Variants in MICALL2 observed in about 807,000 individuals in gnomAD.
MICALL2 encodes the protein MICAL-like protein 2.
MICALL2 carries 111 observed loss-of-function variants against 91.1 expected under a neutral mutation model. The ratio of observed to expected loss-of-function variants is 1.22; its 90% CI spans 1.04 to 1.43. MICALL2 has a LOEUF of 1.43. Ranked by LOEUF, MICALL2 falls within the 40% of genes most tolerant of loss-of-function variation. The probability of loss-of-function intolerance (pLI) is 0.00; values close to 1 mark genes in which losing one functional copy is unlikely to be tolerated. For synonymous variants in MICALL2, 694 were observed against 525.3 expected, an observed-to-expected ratio of 1.32 and a Z score of -4.39; for missense variants, 1,556 against 1,236.0, an observed-to-expected ratio of 1.26 and a Z score of -3.88.
chr7:1,458,766 C>T (rs989954877), intron 1 of MICALL2, among the ~76,000 whole-genome samples: 1 of 152,248 alleles, frequency 6.6e-6, no homozygotes, highest in African/African-American at 2.4e-5. Context: ...CACATCCCCC[C>T]AGGGGCCTGA....
At chr7:1,435,711 G>A (rs1354719945) in intron 15 of MICALL2, among the ~76,000 whole-genome samples, 2 of 152,246 alleles carry the variant, frequency 1.3e-5, no homozygotes, top group Non-Finnish European at 2.9e-5. Context: ...CAGTCACACA[G>A]TCCGTGCAGG....
At position 1,438,785 on chromosome 7, in the gene MICALL2, G is replaced by A. The variant is rs534079691; in HGVS notation, c.2122+55C>T. ...AGCCCCAGCAGGCATTGCCTCCTCA[G>A]AGGAAGGCTCCCTTCACGTACACCC... On this transcript the variant is annotated intron_variant, in intron 10 of 16. Coordinates refer to ENST00000297508, the MANE Select transcript of MICALL2 (RefSeq NM_182924.4). 27 of 1,546,290 alleles carry A rather than the reference G, an allele frequency of 1.7e-5. No homozygotes were observed. In the African/African-American group the frequency reaches 3.1e-4, roughly 18 times the overall value.
chr7:1,458,123 C>G (rs1024539066), intron 1 of MICALL2, among the ~76,000 whole-genome samples: 2 of 152,272 alleles, frequency 1.3e-5, no homozygotes, highest in African/African-American at 2.4e-5. Flanking sequence ...GGCTGTTGCT[C>G]AAGACCCCAG....
At chr7:1,442,907 G>A (rs992215752) in intron 6 of MICALL2, among the ~76,000 whole-genome samples, 3 of 152,118 alleles carry the variant, frequency 2.0e-5, no homozygotes, top group African/African-American at 7.2e-5. Context: ...GGGCTGCCAG[G>A]TTCAGTCCCA....
intron 15 of MICALL2, among the ~76,000 whole-genome samples, chr7:1,435,852 C>T (rs923557544): frequency 4.0e-5 from 6 of 151,894 alleles, no homozygotes; most frequent in African/African-American, 1.5e-4. Context: ...CAGATCGAGA[C>T]CATCCTGGCT....
chr7:1,444,759 G>T lies in MICALL2; in HGVS notation c.1311C>A (p.Pro437=), dbSNP rs1368584352. The stretch of plus-strand genomic sequence containing the variant: ...CCTTGGATAGAACAAGTGACGGGGT[G>T]GGACCTCTGCCAGAAAGGCTGGTGC... ...PPGTSLSGRG[P]TPSLVLSKDS... is the part of the protein sequence containing the mutation. Residue 437 remains proline (P), a synonymous_variant, in exon 6 of 17, where the codon CCC becomes CCA. Coordinates refer to ENST00000297508, the MANE Select transcript of MICALL2 (RefSeq NM_182924.4). 1 of 1,612,250 alleles carries T rather than the reference G, an allele frequency of 6.2e-7. No individual in the cohort carries two copies. Among genetic ancestry groups the T allele is most frequent in the Admixed American group, 1.7e-5 (1 of 59,992 alleles).
At chr7:1,437,456 C>T in intron 14 of MICALL2, 79 bp downstream of exon 14, 1 of 1,331,310 alleles carries the variant, frequency 7.5e-7, no homozygotes, top group Non-Finnish European at 1.0e-6. Context: ...CAGGTGGCCT[C>T]ACAGAGCCGG....
At chr7:1,455,268 C>T (rs888711282) in intron 1 of MICALL2, among the ~76,000 whole-genome samples, 2 of 152,234 alleles carry the variant, frequency 1.3e-5, no homozygotes, top group East Asian at 1.9e-4. Flanking sequence ...GACAGGCTGA[C>T]TGGCTGAGGG....
chr7:1,443,374 G>C (rs1780405404), intron 6 of MICALL2, among the ~76,000 whole-genome samples: 1 of 152,142 alleles, frequency 6.6e-6, no homozygotes, highest in South Asian at 2.1e-4. Context: ...GCAGGAGGCA[G>C]TTCTGAGCAG....
chr7:1,438,677 C>A, intron 10 of MICALL2, 163 bp downstream of exon 10: 1 of 1,449,738 alleles, frequency 6.9e-7, no homozygotes, highest in Non-Finnish European at 9.0e-7. Context: ...GGTCTCTATT[C>A]ATGAGGGCGG....
At position 1,450,308 on chromosome 7, in the gene MICALL2, T is replaced by G. The variant is rs774450161; in HGVS notation, c.144-20A>C. 6.2e-7 allele frequency: 1 copy of G among 1,610,492 alleles called. No homozygotes were observed. The highest frequency in any genetic ancestry group is 1.3e-5 in the African/African-American group (1 of 74,884). On this transcript the variant is annotated intron_variant, in intron 1 of 16. Transcript: ENST00000297508. ...AAGTTTCTGGAAGATAAAAACATGA[T>G]GTCCAAAGCAGCTCAGAGTCCACGA...
Position 1,444,778 on chromosome 7 carries a change from C to T in MICALL2, c.1292G>A (p.Ser431Asn). The T allele has an allele frequency of 1.9e-6, 3 of 1,611,946 alleles. No individual in the cohort carries two copies. The highest frequency in any genetic ancestry group is 1.3e-5 in the African/African-American group (1 of 75,048). Residue 431 changes from serine (S) to asparagine (N), a missense_variant, in exon 6 of 17, where the codon AGC becomes AAC. Physicochemically the swap from Ser to Asn is conservative, Grantham distance 46. Coordinates refer to ENST00000297508, the MANE Select transcript of MICALL2 (RefSeq NM_182924.4). ...CGGGGTGGGACCTCTGCCAGAAAGG[C>T]TGGTGCCGGGGGGCACTGCTGATGT... is the stretch of plus-strand genomic sequence containing the variant. The part of the protein sequence containing the change: ...FQTSAVPPGT[S>N]LSGRGPTPSL...
In MICALL2 at chr7:1,436,838, T is replaced by C. The variant is rs1779990266; in HGVS notation, c.2495A>G (p.Gln832Arg). The C allele has an allele frequency of 1.9e-6, 3 of 1,601,116 alleles. No homozygotes were observed. In the East Asian group the frequency reaches 6.8e-5, roughly 37 times the overall value. ...MAKPEALKSL[Q>R]ERRREQELLE... The stretch of plus-strand genomic sequence containing the variant: ...CAGCTCCTGCTCCCGCCGCCGCTCC[T>C]GCAGTGACTTCAGAGCCTCTGTGGG... Residue 832 changes from glutamine to arginine, a missense_variant, in exon 15 of 17, where the codon CAG (glutamine) becomes CGG (arginine). Transcript: ENST00000297508.
At position 1,444,975 on chromosome 7, in the gene MICALL2, G is replaced by T; in HGVS notation, c.1095C>A (p.Pro365=). 1.3e-6 allele frequency: 2 copies of T among 1,505,716 alleles called. No homozygotes were observed. The highest frequency in any genetic ancestry group is 1.4e-5 in the African/African-American group (1 of 72,460). The allele number at this position is 1,505,716 out of a possible 1,614,324, so 93.3% of individuals were successfully genotyped here. A position where few individuals can be genotyped will look rare whatever the true frequency, so the allele number is the denominator to read the frequency against. ...CCGGGCGAGGGTCTGGGGCACTCGG[G>T]GGCACGGCGGGATGGGAGGCAGCCG... ...TAAAASHPAV[P]PSAPDPRPAT... The change falls in exon 6 of 17, where the codon CCC becomes CCA. Residue 365 remains proline, a synonymous_variant. Transcript: ENST00000297508.
rs1401375250 is a variant in MICALL2, at chr7:1,446,750, G to C, written c.604C>G (p.Leu202Val). 1.9e-6 allele frequency: 3 copies of C among 1,607,448 alleles called. No homozygotes were observed. Among genetic ancestry groups the C allele is most frequent in the Non-Finnish European group, 2.5e-6 (3 of 1,178,032 alleles). Residue 202 changes from leucine to valine, a missense_variant, in exon 5 of 17, where the codon CTG becomes GTG. Leu to Val is a conservative substitution (Grantham distance 32). Transcript: ENST00000297508. ...CGGTGGTAAAGCCTCCCGTCGGCCA[G>C]GTGCCGCTGTACCAGGTGCACGTGC... ...GKHVHLVQRH[L>V]ADGRLYHRSC...
At chr7:1,447,468 C>G in intron 4 of MICALL2, 107 bp downstream of exon 4, 1 of 677,270 alleles carries the variant, frequency 1.5e-6, no homozygotes, top group East Asian at 2.9e-5. Flanking sequence ...AGCCGCACCC[C>G]ACTCTGGGTC....
In MICALL2 at chr7:1,451,558, C is replaced by T. The variant is rs1780829389; in HGVS notation, c.144-1270G>A. On this transcript the variant is annotated intron_variant, in intron 1 of 16. Coordinates refer to ENST00000297508, the MANE Select transcript of MICALL2 (RefSeq NM_182924.4). The surrounding 1 kb of genome is among the most constrained non-coding windows in gnomAD (Gnocchi z 4.5). ...CTGTCCACGTTGCTGCCTGTGGGGT[C>T]CCGGACAGCAGCTGCTGCCATGTCA... Among the ~76,000 whole-genome samples, 2 of 152,228 alleles carry T rather than the reference C, an allele frequency of 1.3e-5. No individual in the cohort carries two copies. The highest frequency in any genetic ancestry group is 1.3e-4 in the Admixed American group (2 of 15,290).
chr7:1,444,471 G>A (rs1036747769), intron 6 of MICALL2, among the ~76,000 whole-genome samples, 181 bp downstream of exon 6: 3 of 152,230 alleles, frequency 2.0e-5, no homozygotes, highest in Admixed American at 6.5e-5. Context: ...CCTGACCACA[G>A]GCACTGCCAC....
intron 1 of MICALL2, among the ~76,000 whole-genome samples, chr7:1,453,601 C>G (rs924485462): frequency 1.3e-5 from 2 of 152,186 alleles, no homozygotes; most frequent in East Asian, 1.9e-4. Flanking sequence ...AGCTTCCCCC[C>G]ACTCAGCAAG....
Sources: allele counts gnomAD v4.1 joint callset (sites outside exome capture counted in the v4.1 genomes callset), GRCh38; gene constraint gnomAD v4.1.1; non-coding constraint Gnocchi (gnomAD v3.1); transcripts MANE v1.5; gene names NCBI Gene and HGNC (gene_info 2026-07-23, HGNC 2026-07-21).